The following SAMMSON variants were observed in gnomAD, a reference collection of about 807,000 sequenced individuals.
The protein encoded by SAMMSON is long intergenic non-protein coding RNA 1212.
chr3:70,313,211 C>A (rs1014411504), intron 7 of SAMMSON, among the ~76,000 whole-genome samples: 3 of 152,124 alleles, frequency 2.0e-5, no homozygotes, highest in African/African-American at 7.2e-5. Flanking sequence ...CGCCTGTAAT[C>A]CCAGCACTTT....
chr3:70,298,074 C>T (rs1178403428), intron 7 of SAMMSON, among the ~76,000 whole-genome samples: 5 of 151,998 alleles, frequency 3.3e-5, no homozygotes, highest in Admixed American at 3.3e-4. Context: ...TATGAAAAAA[C>T]AGGGCTGTGT....
chr3:70,211,196 T>C (rs1701341125), intron 4 of SAMMSON, among the ~76,000 whole-genome samples: 1 of 151,864 alleles, frequency 6.6e-6, no homozygotes, highest in South Asian at 2.1e-4. Flanking sequence ...TCTTTTCCTT[T>C]TCCTTTCCCC....
chr3:70,154,538 G>C (rs2067584374), intron 4 of SAMMSON, among the ~76,000 whole-genome samples: 2 of 152,048 alleles, frequency 1.3e-5, no homozygotes, highest in Admixed American at 1.3e-4. Context: ...GCGCTCATCA[G>C]CTGTTAAATC....
chr3:70,226,950 C>G (rs948211239), intron 4 of SAMMSON, among the ~76,000 whole-genome samples: 1 of 151,958 alleles, frequency 6.6e-6, no homozygotes, highest in Non-Finnish European at 1.5e-5. Context: ...TTTATTTTAG[C>G]CTATAGACAA....
chr3:70,370,566 G>A (rs1702959854), intron 9 of SAMMSON, among the ~76,000 whole-genome samples: 2 of 152,062 alleles, frequency 1.3e-5, no homozygotes, highest in African/African-American at 2.4e-5. Context: ...TAGTGATGGT[G>A]AGCATTTTTT....
Position 70,298,912 on chromosome 3 carries a change from C to G in SAMMSON, n.739+7669C>G, listed in dbSNP as rs1702318077. Among the ~76,000 whole-genome samples the G allele has an allele frequency of 3.9e-5, 6 of 152,200 alleles. No homozygotes were observed. In the South Asian group the frequency reaches 1.2e-3, roughly 32 times the overall value. ...AAACTTTTCTGACCTTTATTTTCCT[C>G]ATTTGTAAAAAAGCACGGTAATACT... On this transcript the variant is annotated intron_variant and non_coding_transcript_variant, in intron 7 of 9. Transcript: ENST00000642114.
chr3:70,335,851 T>C (rs1402347861), intron 7 of SAMMSON, among the ~76,000 whole-genome samples: 1 of 152,014 alleles, frequency 6.6e-6, no homozygotes, highest in Non-Finnish European at 1.5e-5. Context: ...AATATGATAT[T>C]AATCTCAAAT....
chr3:70,126,400 T>C, intron 4 of SAMMSON: 2 of 836,172 alleles, frequency 2.4e-6, no homozygotes, highest in East Asian at 2.7e-5. Context: ...TTTTAGGGAA[T>C]GTGGCAAAAG....
intron 4 of SAMMSON, among the ~76,000 whole-genome samples, chr3:70,182,740 A>C (rs921630669): frequency 6.6e-6 from 1 of 152,182 alleles, no homozygotes; most frequent in African/African-American, 2.4e-5. Context: ...TTAGTGATGT[A>C]AATTTCTTGC....
chr3:70,230,302 C>T (rs1367343954), intron 4 of SAMMSON, among the ~76,000 whole-genome samples: 1 of 152,132 alleles, frequency 6.6e-6, no homozygotes, highest in Non-Finnish European at 1.5e-5. Flanking sequence ...TGTAGACAAA[C>T]ATAGGAGATT....
chr3:70,067,649 A>G (rs1313253669), intron 3 of SAMMSON, among the ~76,000 whole-genome samples: 1 of 152,122 alleles, frequency 6.6e-6, no homozygotes, highest in African/African-American at 2.4e-5. Flanking sequence ...AGAAGGCAAG[A>G]AGAGCCAGTT....
intron 6 of SAMMSON, among the ~76,000 whole-genome samples, chr3:70,263,159 A>G (rs1286070866): frequency 1.3e-5 from 2 of 152,046 alleles, no homozygotes; most frequent in African/African-American, 4.8e-5. Context: ...TTTGTCATTA[A>G]TGGTTCTGTT....
chr3:70,344,996 T>G (rs1319414598), intron 7 of SAMMSON, among the ~76,000 whole-genome samples: 1 of 152,206 alleles, frequency 6.6e-6, no homozygotes, highest in Non-Finnish European at 1.5e-5. Flanking sequence ...CTAGACCTTC[T>G]TAGTTGGCAG....
At chr3:70,426,449 T>C (rs1427652489) in intron 2 of SAMMSON, among the ~76,000 whole-genome samples, 2 of 152,196 alleles carry the variant, frequency 1.3e-5, no homozygotes, top group Non-Finnish European at 2.9e-5. Context: ...CCCATTGAAA[T>C]GGTACTTCAA....
intron 4 of SAMMSON, among the ~76,000 whole-genome samples, chr3:70,176,647 C>G (rs1172202487): frequency 1.3e-5 from 2 of 152,238 alleles, no homozygotes; most frequent in African/African-American, 2.4e-5. Context: ...TACCAGAAAA[C>G]AAACTCTGAT....
intron 7 of SAMMSON, among the ~76,000 whole-genome samples, chr3:70,348,666 G>T (rs1405319114): frequency 6.6e-6 from 1 of 152,112 alleles, no homozygotes; most frequent in Non-Finnish European, 1.5e-5. Context: ...TAGGTCTCAG[G>T]TTCCAATTCC....
At chr3:69,999,845 A>C (rs1421848385), upstream of SAMMSON, 1 of 152,418 alleles carries the variant, frequency 6.6e-6, no homozygotes, top group Non-Finnish European at 1.5e-5. Flanking sequence ...AGGCACCGGC[A>C]GGCCATTGAC....
chr3:70,242,499 C>T (rs1701673834), intron 4 of SAMMSON, among the ~76,000 whole-genome samples: 1 of 152,172 alleles, frequency 6.6e-6, no homozygotes, highest in Admixed American at 6.6e-5. Flanking sequence ...ATGATAGCTT[C>T]TAAGTTGTTT....
chr3:70,075,383 A>G (rs1329083260), intron 4 of SAMMSON: 2 of 152,122 alleles, frequency 1.3e-5, no homozygotes, highest in Non-Finnish European at 2.9e-5. Context: ...AAAATCTCTC[A>G]AATGACATTG....
Sources: gnomAD v4.1 joint callset for allele counts (sites outside exome capture counted in the v4.1 genomes callset) on GRCh38, gnomAD v4.1.1 for gene constraint, MANE v1.5 for transcripts, NCBI Gene and HGNC (gene_info 2026-07-23, HGNC 2026-07-21) for gene names.